The following BICC1 variants were observed in gnomAD, a reference collection of about 807,000 sequenced individuals.
The protein encoded by BICC1 is BicC family RNA binding protein 1, also known as protein bicaudal C homolog 1.
In BICC1, 43 loss-of-function variants were observed where a neutral mutation model predicts 111.0. The ratio of observed to expected loss-of-function variants is 0.39; its 90% CI spans 0.30 to 0.50. The LOEUF is 0.50. Among genes scored for constraint, BICC1 ranks in the 20% least tolerant of loss-of-function variants. The pLI is 0.88. For synonymous variants in BICC1, 467 were observed against 434.4 expected (o/e 1.07, Z -0.93); for missense variants, 1,091 against 1,203.2 (o/e 0.91, Z 1.38).
At position 58,829,516 on chromosome 10, in the gene BICC1, A is replaced by G. The variant is rs1354540316; in HGVS notation, c.*625A>G. On this transcript the variant is annotated 3_prime_UTR_variant, in exon 21 of 21. Transcript: ENST00000373886. ...GCATCAAACTTTTATTTGAAATGGT[A>G]CTGGATCTTAGTTTCTGTGCAGAAT... 1 of 152,128 alleles carries G rather than the reference A, an allele frequency of 6.6e-6. No individual in the cohort carries two copies. The highest frequency in any genetic ancestry group is 6.6e-5 in the Admixed American group (1 of 15,254). The allele number at this position is 152,128 out of a possible 1,614,324, so 9.4% of individuals were successfully genotyped here.
intron 2 of BICC1, among the ~76,000 whole-genome samples, chr10:58,689,499 G>C (rs938624765): frequency 6.6e-6 from 1 of 152,180 alleles, no homozygotes; most frequent in Non-Finnish European, 1.5e-5. Flanking sequence ...CAAGGAGCTG[G>C]TGGCATAACA....
intron 1 of BICC1, among the ~76,000 whole-genome samples, chr10:58,592,767 C>T (rs1165551983): frequency 6.7e-6 from 1 of 150,036 alleles, no homozygotes; most frequent in Non-Finnish European, 1.5e-5. Flanking sequence ...GTCCCAGCTA[C>T]TCAGGAGGCT....
At chr10:58,729,063 T>C (rs965942423) in intron 3 of BICC1, among the ~76,000 whole-genome samples, 4 of 152,196 alleles carry the variant, frequency 2.6e-5, no homozygotes, top group African/African-American at 7.2e-5. Context: ...TAAATGATCA[T>C]TGGCTTCGAC....
At chr10:58,768,339 T>C (rs1842516164) in intron 3 of BICC1, among the ~76,000 whole-genome samples, 1 of 152,154 alleles carries the variant, frequency 6.6e-6, no homozygotes, top group Non-Finnish European at 1.5e-5. Flanking sequence ...TGTCTTTCAA[T>C]GGTACTTTAC....
At chr10:58,667,885 A>G (rs1839065937) in intron 2 of BICC1, among the ~76,000 whole-genome samples, 1 of 152,062 alleles carries the variant, frequency 6.6e-6, no homozygotes. Flanking sequence ...CAAATGTTAA[A>G]TGGGGAGCAT....
intron 3 of BICC1, among the ~76,000 whole-genome samples, chr10:58,756,648 T>G (rs899173786): frequency 7.8e-5 from 3 of 38,368 alleles, no homozygotes; most frequent in Non-Finnish European, 1.5e-4. Flanking sequence ...TTTTTTTTTT[T>G]TTTTTTTTTT....
intron 2 of BICC1, among the ~76,000 whole-genome samples, chr10:58,693,937 A>G (rs1029445466): frequency 2.0e-5 from 3 of 152,210 alleles, no homozygotes; most frequent in Admixed American, 1.3e-4. Context: ...GTCCTTGACC[A>G]TGCCTATGTC....
chr10:58,777,264 C>T (rs562564968), intron 3 of BICC1, among the ~76,000 whole-genome samples: 1 of 152,108 alleles, frequency 6.6e-6, no homozygotes, highest in African/African-American at 2.4e-5. Flanking sequence ...TTAACACAAA[C>T]TGGCATATGC....
At chr10:58,741,305 TA>T (rs1320616370) in intron 3 of BICC1, among the ~76,000 whole-genome samples, 1 of 152,184 alleles carries the variant, frequency 6.6e-6, no homozygotes, top group Non-Finnish European at 1.5e-5. Context: ...AATTAATTTT[TA>T]TGGATTATAT....
At chr10:58,699,897 G>C (rs1443679430) in intron 2 of BICC1, among the ~76,000 whole-genome samples, 1 of 152,092 alleles carries the variant, frequency 6.6e-6, no homozygotes, top group Non-Finnish European at 1.5e-5. Flanking sequence ...TCACTATATT[G>C]TCCAGGCTGG....
At chr10:58,586,925 T>G (rs1844450145) in intron 1 of BICC1, among the ~76,000 whole-genome samples, 1 of 152,190 alleles carries the variant, frequency 6.6e-6, no homozygotes, top group Admixed American at 6.5e-5. Flanking sequence ...TTCTCTGGCC[T>G]CGTTTGCCCA....
intron 18 of BICC1, chr10:58,814,322 C>G (rs1163807496): frequency 3.4e-6 from 2 of 585,960 alleles, no homozygotes; most frequent in Non-Finnish European, 6.0e-6. Context: ...GTCCATGTGT[C>G]AAGTATTCTG....
In BICC1 at chr10:58,801,026, C is replaced by A. The variant is rs1283353088; in HGVS notation, c.1995C>A (p.Gly665=). Residue 665 remains glycine, a synonymous_variant, in exon 14 of 21, where the codon GGC becomes GGA. Transcript: ENST00000373886. The stretch of plus-strand genomic sequence containing the variant: ...GGCAGACAGTGGAACTATTGCAAGG[C>A]ACGAAAAACTCACACTTACAGTATG... ...AKRQTVELLQ[G]TKNSHLHSTD... The A allele has an allele frequency of 6.2e-7, 1 of 1,606,652 alleles. No homozygotes were observed. Among genetic ancestry groups the A allele is most frequent in the South Asian group, 1.1e-5 (1 of 89,480 alleles).
chr10:58,799,159 T>C lies in BICC1; in HGVS notation c.1632T>C (p.Ser544=). The change falls in exon 12 of 21, where the codon TCT becomes TCC. Residue 544 remains serine, a synonymous_variant. Coordinates refer to ENST00000373886, the MANE Select transcript of BICC1 (RefSeq NM_001080512.3). ...CCACCTATGGGCACACAGCTCCATCTCCCCCTCCTGGCTTGACTCCTGTTG... is the reference window on the plus strand; with the variant it reads ...CCACCTATGGGCACACAGCTCCATCCCCCCCTCCTGGCTTGACTCCTGTTG... ...GVPTYGHTAP[S]PPPGLTPVDV... 1 of 1,613,762 alleles carries C rather than the reference T, an allele frequency of 6.2e-7. No homozygotes were observed. The highest frequency in any genetic ancestry group is 8.5e-7 in the Non-Finnish European group (1 of 1,179,872).
chr10:58,563,120 G>C (rs1056820395), intron 1 of BICC1, among the ~76,000 whole-genome samples: 1 of 152,168 alleles, frequency 6.6e-6, no homozygotes, highest in African/African-American at 2.4e-5. Flanking sequence ...TTGTGCTGCA[G>C]CCTTCTCTGT....
intron 2 of BICC1, among the ~76,000 whole-genome samples, chr10:58,633,913 G>A (rs532836919): frequency 6.6e-6 from 1 of 151,732 alleles, no homozygotes; most frequent in South Asian, 2.1e-4. Context: ...AAGGATATTT[G>A]AGATCCAGTA....
chr10:58,804,715 C>A (rs1843657446), intron 15 of BICC1, among the ~76,000 whole-genome samples: 1 of 151,978 alleles, frequency 6.6e-6, no homozygotes, highest in South Asian at 2.1e-4. Flanking sequence ...TTGTTTCTTT[C>A]TTTTAGGATG....
intron 3 of BICC1, among the ~76,000 whole-genome samples, chr10:58,708,255 G>A (rs1312580192): frequency 6.6e-6 from 1 of 151,448 alleles, no homozygotes; most frequent in Non-Finnish European, 1.5e-5. Flanking sequence ...GCCTCCCAAA[G>A]TGCTGGGATT....
chr10:58,621,407 C>G (rs1845801535), intron 2 of BICC1, among the ~76,000 whole-genome samples: 1 of 152,194 alleles, frequency 6.6e-6, no homozygotes, highest in South Asian at 2.1e-4. Flanking sequence ...ACTGTACCCC[C>G]TGACTTGGTG....
Sources: gnomAD v4.1 joint callset for allele counts (sites outside exome capture counted in the v4.1 genomes callset) on GRCh38, gnomAD v4.1.1 for gene constraint, MANE v1.5 for transcripts, NCBI Gene and HGNC (gene_info 2026-07-23, HGNC 2026-07-21) for gene names.